The following KSR2 variants were observed in gnomAD, a reference collection of about 807,000 sequenced individuals.
The protein encoded by KSR2 is kinase suppressor of ras 2.
Under a neutral mutation model 107.8 loss-of-function variants are expected in KSR2, and 25 were observed. That is an observed-to-expected ratio of 0.23 (90% confidence interval 0.17 to 0.32). The LOEUF is 0.32. KSR2 is among the 10% of genes least tolerant of loss of function. KSR2 has a pLI of 1.00. For missense variants in KSR2, 887 were observed against 1,268.9 expected (o/e 0.70, Z 4.57); for synonymous variants, 480 against 507.0 (o/e 0.95, Z 0.71).
At chr12:117,595,745 A>G (rs1880606917) in intron 5 of KSR2, among the ~76,000 whole-genome samples, 1 of 152,198 alleles carries the variant, frequency 6.6e-6, no homozygotes, top group Admixed American at 6.5e-5. Flanking sequence ...CTGACAGACA[A>G]TACTTTGAAG....
chr12:117,910,547 A>C (rs1047396621), intron 1 of KSR2, among the ~76,000 whole-genome samples: 1 of 152,202 alleles, frequency 6.6e-6, no homozygotes, highest in African/African-American at 2.4e-5. Context: ...AAGAGCCCCA[A>C]GTCATGGCAC....
intron 1 of KSR2, among the ~76,000 whole-genome samples, chr12:117,939,944 A>C (rs866386300): frequency 2.6e-4 from 37 of 140,176 alleles, no homozygotes; most frequent in Middle Eastern, 7.2e-3. Flanking sequence ...CCATCTTAAA[A>C]ACACACACAC....
chr12:117,783,529 T>C (rs1011057224), intron 3 of KSR2, among the ~76,000 whole-genome samples: 1 of 152,142 alleles, frequency 6.6e-6, no homozygotes, highest in Admixed American at 6.5e-5. Flanking sequence ...CTGGCCATGA[T>C]AGAGCAAGCC....
chr12:117,455,954 A>T lies in KSR2; in HGVS notation c.*11245T>A, dbSNP rs568608154. On this transcript the variant is annotated 3_prime_UTR_variant, in exon 20 of 20. Coordinates refer to ENST00000339824, the MANE Select transcript of KSR2 (RefSeq NM_173598.6). ...CTTGGAAGTGGAGTCAGAGAAGCTC[A>T]TGTGACAGCATGCCTGACATGCCAC... The T allele has an allele frequency of 6.6e-6, 1 of 152,316 alleles. No homozygotes were observed. Among genetic ancestry groups the T allele is most frequent in the East Asian group, 1.9e-4 (1 of 5,164 alleles). 9.4% of individuals were successfully genotyped at this position (152,316 alleles called of 1,614,324 possible). A position where few individuals can be genotyped will look rare whatever the true frequency, so the allele number is the denominator to read the frequency against.
intron 17 of KSR2, among the ~76,000 whole-genome samples, chr12:117,474,242 T>C (rs2137120050): frequency 6.6e-6 from 1 of 152,096 alleles, no homozygotes; most frequent in South Asian, 2.1e-4. Flanking sequence ...TTAATCACAT[T>C]TTTTTTTCTT....
chr12:117,654,311 G>A (rs1593096500), intron 5 of KSR2, among the ~76,000 whole-genome samples: 1 of 152,176 alleles, frequency 6.6e-6, no homozygotes, highest in East Asian at 1.9e-4. Context: ...ATGAGGAAGT[G>A]GCTCAAATGC....
At chr12:117,561,796 G>A (rs1366413940) in intron 7 of KSR2, among the ~76,000 whole-genome samples, 1 of 152,142 alleles carries the variant, frequency 6.6e-6, no homozygotes, top group Non-Finnish European at 1.5e-5. Flanking sequence ...AAGACCCTCA[G>A]ACTCTCAGAC....
intron 1 of KSR2, among the ~76,000 whole-genome samples, chr12:117,882,180 C>T (rs1051315713): frequency 6.6e-6 from 1 of 152,184 alleles, no homozygotes; most frequent in Non-Finnish European, 1.5e-5. Context: ...CCTCAGCACA[C>T]TGCAGGGGGC....
chr12:117,645,511 T>A (rs1377084573), intron 5 of KSR2, among the ~76,000 whole-genome samples: 1 of 152,206 alleles, frequency 6.6e-6, no homozygotes, highest in Admixed American at 6.5e-5. Flanking sequence ...AGAAATCATC[T>A]CCTCACTATA....
chr12:117,963,609 A>C (rs1896717691), intron 1 of KSR2, among the ~76,000 whole-genome samples: 1 of 151,940 alleles, frequency 6.6e-6, no homozygotes, highest in South Asian at 2.1e-4. Flanking sequence ...CCTCAAAAAA[A>C]ACAAAACAAA....
chr12:117,717,712 T>C (rs487620), intron 4 of KSR2, among the ~76,000 whole-genome samples: 36,990 of 137,130 alleles, frequency 0.27, 4,942 homozygotes, highest in African/African-American at 0.35. Context: ...TGTGTGTGTG[T>C]GCATGCGCGC....
chr12:117,577,476 C>T (rs1445927695), intron 7 of KSR2, among the ~76,000 whole-genome samples: 1 of 152,156 alleles, frequency 6.6e-6, no homozygotes, highest in Non-Finnish European at 1.5e-5. Context: ...ATCAAATGCT[C>T]ACTGCCACCC....
In KSR2 at chr12:117,934,452, C is replaced by T. The variant is rs187258506; in HGVS notation, c.180+33624G>A. ...GCACTTCCAGTGGCCATTCTGCCAC[C>T]GTAAGGAAAGGCTGTTTGGATGAAA... is the stretch of plus-strand genomic sequence containing the variant. On this transcript the variant is annotated intron_variant, in intron 1 of 19. Coordinates refer to ENST00000339824, the MANE Select transcript of KSR2 (RefSeq NM_173598.6). Among the ~76,000 whole-genome samples the T allele has an allele frequency of 2.1e-3, 314 of 152,230 alleles. 1 individual carries two copies. Among genetic ancestry groups the T allele is most frequent in the African/African-American group, 7.1e-3 (295 of 41,514 alleles).
intron 4 of KSR2, among the ~76,000 whole-genome samples, chr12:117,673,875 A>C (rs1565954911): frequency 6.6e-6 from 1 of 152,224 alleles, no homozygotes; most frequent in Admixed American, 6.5e-5. Context: ...GAAAATCAAC[A>C]AAATTAGGTG....
chr12:117,874,945 C>T (rs1893784701), intron 1 of KSR2, among the ~76,000 whole-genome samples: 1 of 151,642 alleles, frequency 6.6e-6, no homozygotes, highest in African/African-American at 2.4e-5. Flanking sequence ...TCCCCTGGGC[C>T]TGGGGTTAGA....
chr12:117,825,291 T>C (rs1292356208), intron 3 of KSR2, among the ~76,000 whole-genome samples: 1 of 152,142 alleles, frequency 6.6e-6, no homozygotes, highest in East Asian at 1.9e-4. Context: ...GGTCCGTGGA[T>C]GGGTGTGTGC....
chr12:117,671,422 C>T (rs963340995), intron 4 of KSR2, among the ~76,000 whole-genome samples: 3 of 152,220 alleles, frequency 2.0e-5, no homozygotes, highest in Non-Finnish European at 2.9e-5. Context: ...GATTTGCTGT[C>T]TTCCAAGTAG....
chr12:117,496,052 CAAAAAAAAAA>C (rs33974181), intron 14 of KSR2, among the ~76,000 whole-genome samples: 2 of 113,226 alleles, frequency 1.8e-5, no homozygotes, highest in East Asian at 5.9e-4. Context: ...GACTCCGTCT[CAAAAAAAAAA>C]AAAAAAAAAA....
Position 117,525,357 on chromosome 12 carries a change from C to T in KSR2, c.1852-138G>A, listed in dbSNP as rs1369014438. The T allele has an allele frequency of 5.3e-6, 5 of 944,228 alleles. No homozygotes were observed. In the Admixed American group the frequency reaches 8.8e-5, roughly 17 times the overall value. 58.5% of individuals were successfully genotyped at this position (944,228 alleles called of 1,614,324 possible). A position where few individuals can be genotyped will look rare whatever the true frequency, so the allele number is the denominator to read the frequency against. On this transcript the variant is annotated intron_variant, in intron 13 of 19. Coordinates refer to ENST00000339824, the MANE Select transcript of KSR2 (RefSeq NM_173598.6). ...ATTTGGAGCTTGTGCAGACATACGTCCCTCTGTTTCCCCAGCTCTAGAATC... is the reference window on the plus strand; with the variant it reads ...ATTTGGAGCTTGTGCAGACATACGTTCCTCTGTTTCCCCAGCTCTAGAATC...
Sources: gnomAD v4.1 joint callset for allele counts (sites outside exome capture counted in the v4.1 genomes callset) on GRCh38, gnomAD v4.1.1 for gene constraint, MANE v1.5 for transcripts, NCBI Gene and HGNC (gene_info 2026-07-23, HGNC 2026-07-21) for gene names.